Variants in NRP1 observed in about 807,000 individuals in gnomAD.
The protein encoded by NRP1 is neuropilin-1.
Under a neutral mutation model 106.7 loss-of-function variants are expected in NRP1, and 35 were observed. The observed-to-expected ratio is 0.33, with a 90% confidence interval of 0.25 to 0.43. The LOEUF (loss-of-function observed/expected upper bound fraction) is 0.43. NRP1 is among the 20% of genes least tolerant of loss of function. The pLI, the probability that NRP1 is intolerant of heterozygous loss-of-function variation, is 1.00. For synonymous variants in NRP1, 437 were observed against 417.9 expected (o/e 1.05, Z -0.56); for missense variants, 1,024 against 1,170.4 (o/e 0.87, Z 1.83).
intron 9 of NRP1, chr10:33,213,066 A>G: frequency 1.6e-6 from 1 of 618,186 alleles, no homozygotes; most frequent in Non-Finnish European, 2.8e-6. Flanking sequence ...GGTATCTGCA[A>G]GGGGTTCTGA....
intron 11 of NRP1, chr10:33,202,231 T>C (rs1837375549): frequency 6.4e-6 from 1 of 157,244 alleles, no homozygotes; most frequent in Admixed American, 6.3e-5. Context: ...ATATTTCCTC[T>C]GCCATTCCAA....
chr10:33,252,076 T>C (rs531509743), intron 6 of NRP1, among the ~76,000 whole-genome samples: 2 of 152,016 alleles, frequency 1.3e-5, no homozygotes, highest in Non-Finnish European at 2.9e-5. Flanking sequence ...CGGGCAGATA[T>C]ACAAGCGGCT....
intron 4 of NRP1, among the ~76,000 whole-genome samples, chr10:33,259,681 G>T (rs1025752274): frequency 2.0e-5 from 3 of 152,136 alleles, no homozygotes; most frequent in African/African-American, 7.2e-5. Flanking sequence ...TATAGTATTT[G>T]TGCTGTTTAA....
chr10:33,186,134 A>G, intron 14 of NRP1, 83 bp downstream of exon 14: 5 of 1,471,456 alleles, frequency 3.4e-6, no homozygotes, highest in Non-Finnish European at 4.6e-6. Flanking sequence ...AATAATTCCC[A>G]TGTCTCATTT....
chr10:33,278,651 C>G (rs1444007001), intron 2 of NRP1, among the ~76,000 whole-genome samples: 1 of 152,204 alleles, frequency 6.6e-6, no homozygotes, highest in Non-Finnish European at 1.5e-5. Context: ...AGGACATTCT[C>G]CTGCAAGAAA....
chr10:33,212,212 G>T (rs2132799887), intron 9 of NRP1: 1 of 152,256 alleles, frequency 6.6e-6, no homozygotes, highest in South Asian at 2.1e-4. Context: ...CATCTTAAAA[G>T]GTTTCAACGC....
intron 2 of NRP1, among the ~76,000 whole-genome samples, chr10:33,314,278 G>A (rs983301018): frequency 4.6e-5 from 7 of 152,042 alleles, no homozygotes; most frequent in African/African-American, 1.4e-4. Context: ...TTATAGAGAC[G>A]GTATTGCCCA....
chr10:33,325,907 C>A (rs1447250274), intron 2 of NRP1, among the ~76,000 whole-genome samples: 2 of 152,190 alleles, frequency 1.3e-5, no homozygotes, highest in Non-Finnish European at 1.5e-5. Context: ...ACTGTCAAAT[C>A]AGACACTGAA....
At chr10:33,221,533 C>T (rs1279512848) in intron 8 of NRP1, among the ~76,000 whole-genome samples, 186 bp downstream of exon 8, 1 of 152,190 alleles carries the variant, frequency 6.6e-6, no homozygotes, top group African/African-American at 2.4e-5. Flanking sequence ...CCAAAAAAAT[C>T]TGCTAGTGAG....
chr10:33,299,452 G>A (rs1456021326), intron 2 of NRP1, among the ~76,000 whole-genome samples: 2 of 152,078 alleles, frequency 1.3e-5, no homozygotes, highest in South Asian at 2.1e-4. Context: ...AGATGTCTGA[G>A]GCAGGCCCAC....
chr10:33,229,116 A>G (rs541873678), intron 6 of NRP1, among the ~76,000 whole-genome samples: 2 of 152,320 alleles, frequency 1.3e-5, no homozygotes, highest in South Asian at 2.1e-4. Context: ...TTTTTTTAGT[A>G]TAAGTGTGTT....
chr10:33,254,693 C>CA (rs1254877354), intron 5 of NRP1, among the ~76,000 whole-genome samples: 4 of 152,184 alleles, frequency 2.6e-5, no homozygotes, highest in African/African-American at 9.7e-5. Context: ...GCACCCAGAC[C>CA]ACCTCTTCCT....
intron 2 of NRP1, among the ~76,000 whole-genome samples, chr10:33,291,847 T>G (rs1845016599): frequency 6.6e-6 from 1 of 152,208 alleles, no homozygotes; most frequent in Non-Finnish European, 1.5e-5. Context: ...AAGCTAAGGC[T>G]CTAAGAGATT....
At chr10:33,323,749 T>G (rs1022097581) in intron 2 of NRP1, among the ~76,000 whole-genome samples, 2 of 152,194 alleles carry the variant, frequency 1.3e-5, no homozygotes, top group Non-Finnish European at 2.9e-5. Flanking sequence ...ATGATCAGTC[T>G]AGATGAATAC....
Position 33,192,301 on chromosome 10 carries a change from C to T in NRP1, c.2042G>A (p.Gly681Glu). Reference protein sequence around the residue: ...LKWSVLTSKTGPIQDHTGDGN... With the variant: ...LKWSVLTSKTEPIQDHTGDGN... The stretch of plus-strand genomic sequence containing the variant: ...GATACCTGTGTGATCCTGAATGGGT[C>T]CCGTCTTGCTGGTCAACACACTCCA... The change falls in exon 13 of 17, where the codon GGA becomes GAA. Residue 681 changes from glycine (G) to glutamate (E), a missense_variant. Physicochemically the swap from Gly to Glu is moderately conservative, Grantham distance 98 (BLOSUM62 -2). Coordinates refer to ENST00000374867, the MANE Select transcript of NRP1 (RefSeq NM_003873.7). 6.2e-7 allele frequency: 1 copy of T among 1,613,682 alleles called. No individual in the cohort carries two copies. Among genetic ancestry groups the T allele is most frequent in the Non-Finnish European group, 8.5e-7 (1 of 1,179,772 alleles).
intron 13 of NRP1, among the ~76,000 whole-genome samples, chr10:33,190,590 G>A (rs1836334898): frequency 6.6e-6 from 1 of 152,184 alleles, no homozygotes; most frequent in Non-Finnish European, 1.5e-5. Flanking sequence ...CCTTGGCCCA[G>A]CCTTCAGTCC....
rs116727607 is a variant in NRP1, at chr10:33,311,524, G to A, written c.248+19184C>T. 2.6e-3 allele frequency among the ~76,000 whole-genome samples: 389 copies of A among 152,266 alleles called. 2 individuals are homozygous for A. Among genetic ancestry groups the A allele is most frequent in the African/African-American group, 9.1e-3 (379 of 41,554 alleles). ...GAGAATGATGCCTGTTTTGTTCACT[G>A]ATCTATCACTGTCTCTATCACTATC... On this transcript the variant is annotated intron_variant, in intron 2 of 16. Transcript: ENST00000374867.
intron 6 of NRP1, among the ~76,000 whole-genome samples, chr10:33,237,853 G>A (rs974156892): frequency 3.9e-5 from 6 of 151,990 alleles, no homozygotes; most frequent in Admixed American, 3.3e-4. Flanking sequence ...GGCCCGGCCC[G>A]ATGAATATTT....
rs772821959 is a variant in NRP1, at chr10:33,195,593, A to T, written c.1924+2057T>A. ...ATCTGGAGCCTGCAGAACAGTGTGG[A>T]TCAAAGTATCAGGTGACTCAGGCCA... On this transcript the variant is annotated intron_variant, in intron 12 of 16. Transcript: ENST00000374867. 9 of 533,042 alleles carry T rather than the reference A, an allele frequency of 1.7e-5. No homozygotes were observed. The African/African-American group carries it at 1.7e-4, about 10-fold the overall frequency. 33.0% of individuals were successfully genotyped at this position (533,042 alleles called of 1,614,324 possible). A position where few individuals can be genotyped will look rare whatever the true frequency, so the allele number is the denominator to read the frequency against.
Sources: gnomAD v4.1 joint callset for allele counts (sites outside exome capture counted in the v4.1 genomes callset) on GRCh38, gnomAD v4.1.1 for gene constraint, MANE v1.5 for transcripts, NCBI Gene and HGNC (gene_info 2026-07-23, HGNC 2026-07-21) for gene names.